The following PUDP variants were observed in gnomAD, a reference collection of about 807,000 sequenced individuals.
PUDP encodes pseudouridine-5'-phosphatase.
PUDP carries 8 observed loss-of-function variants against 9.4 expected under a neutral mutation model. That is an observed-to-expected ratio of 0.85 (90% CI 0.50 to 1.53). PUDP has a LOEUF of 1.53. Ranked by LOEUF, PUDP falls within the 40% of genes most tolerant of loss-of-function variation. PUDP has a pLI of 0.00. For missense variants in PUDP, 188 were observed against 189.7 expected (o/e 0.99, Z 0.05); for synonymous variants, 99 against 80.7 (o/e 1.23, Z -1.22).
chrX:6,914,226 TCA>T (rs1008619232), intron 3 of PUDP, among the ~76,000 whole-genome samples: 1 of 98,260 alleles, frequency 1.0e-5, no homozygotes, highest in Non-Finnish European at 2.1e-5. Flanking sequence ...AGAAGAAAAA[TCA>T]CAGTTACATA....
chrX:6,713,491 G>T (rs1200516063), intron 1 of PUDP, among the ~76,000 whole-genome samples: 1 of 111,923 alleles, frequency 8.9e-6, no homozygotes, highest in Non-Finnish European at 1.9e-5. Context: ...AGATGATTTA[G>T]CCCAAGCATA....
chrX:6,894,381 C>G (rs1927557549), intron 3 of PUDP, among the ~76,000 whole-genome samples: 1 of 112,005 alleles, frequency 8.9e-6, no homozygotes, highest in Admixed American at 9.5e-5. Flanking sequence ...TACTCCTAAC[C>G]ACAACCACCT....
chrX:6,821,093 C>CT (rs1283101533), intron 3 of PUDP, among the ~76,000 whole-genome samples: 1 of 111,029 alleles, frequency 9.0e-6, no homozygotes, highest in Non-Finnish European at 1.9e-5. Context: ...AGTTCCAACC[C>CT]TGCCAAGGGT....
intron 3 of PUDP, among the ~76,000 whole-genome samples, chrX:7,059,503 C>T (rs1367747512): frequency 6.3e-5 from 7 of 111,862 alleles, no homozygotes; most frequent in African/African-American, 2.0e-4. Context: ...TAGCCTTCTG[C>T]ATGAGACTCA....
chrX:6,772,630 GAA>G (rs386416546), intron 3 of PUDP, among the ~76,000 whole-genome samples: 1 of 96,902 alleles, frequency 1.0e-5, no homozygotes, highest in Non-Finnish European at 2.0e-5. Flanking sequence ...TACAGACAAG[GAA>G]AAAAAAAAAA....
At chrX:7,115,425 C>T (rs1370912768) in intron 1 of PUDP, among the ~76,000 whole-genome samples, 1 of 112,436 alleles carries the variant, frequency 8.9e-6, no homozygotes, top group Non-Finnish European at 1.9e-5. Flanking sequence ...TCCTTTTCTT[C>T]TAGTGAAAGC....
intron 3 of PUDP, among the ~76,000 whole-genome samples, chrX:6,951,238 ATCCATCATATCTATC>A (rs1569129699): frequency 1.2e-4 from 10 of 82,414 alleles, no homozygotes; most frequent in Non-Finnish European, 1.5e-4. Flanking sequence ...CCATCCATCC[ATCCATCATATCTATC>A]TATCTATCTA....
At chrX:7,016,914 G>A (rs1188144489) in intron 1 of PUDP, among the ~76,000 whole-genome samples, 3 of 111,483 alleles carry the variant, frequency 2.7e-5, no homozygotes, top group Admixed American at 9.5e-5. Flanking sequence ...ATCCATCTGC[G>A]AGAATCCAGC....
chrX:6,796,463 A>G (rs112135379), intron 3 of PUDP, among the ~76,000 whole-genome samples: 2,360 of 112,186 alleles, frequency 0.021, 58 homozygotes, highest in African/African-American at 0.071. Context: ...CCCGGCCAGT[A>G]AGGTAAAGCA....
chrX:7,065,008 A>G (rs1459786492), intron 3 of PUDP, among the ~76,000 whole-genome samples: 2 of 111,612 alleles, frequency 1.8e-5, no homozygotes, highest in Non-Finnish European at 3.8e-5. Flanking sequence ...AGCTAAAGAA[A>G]GAAAAATAGT....
chrX:6,915,626 C>T (rs755533331), intron 3 of PUDP, among the ~76,000 whole-genome samples: 1 of 112,128 alleles, frequency 8.9e-6, no homozygotes, highest in African/African-American at 3.2e-5. Context: ...GTCTTGCCTA[C>T]TAAATAGATT....
intron 1 of PUDP, among the ~76,000 whole-genome samples, chrX:6,981,687 G>A (rs1857933713): frequency 9.0e-6 from 1 of 110,850 alleles, no homozygotes. Flanking sequence ...TTTACTTCTT[G>A]GGCCATTTTA....
intron 3 of PUDP, among the ~76,000 whole-genome samples, chrX:7,072,295 G>C (rs1930758158): frequency 9.0e-6 from 1 of 111,160 alleles, no homozygotes; most frequent in African/African-American, 3.3e-5. Context: ...TTCAACCCTG[G>C]TATTATACAA....
intron 3 of PUDP, among the ~76,000 whole-genome samples, chrX:6,872,750 G>A (rs933285009): frequency 9.4e-5 from 10 of 106,294 alleles, no homozygotes; most frequent in South Asian, 4.3e-4. Context: ...TCACGTTCCC[G>A]TGGTACTAGG....
At chrX:6,721,947 T>A (rs1924678232), upstream of PUDP, among the ~76,000 whole-genome samples, 1 of 111,308 alleles carries the variant, frequency 9.0e-6, no homozygotes, top group African/African-American at 3.3e-5. Context: ...GAACACTGGA[T>A]AGACTACACT....
At chrX:6,780,750 A>G (rs1925547545) in intron 3 of PUDP, among the ~76,000 whole-genome samples, 1 of 109,915 alleles carries the variant, frequency 9.1e-6, no homozygotes, top group Non-Finnish European at 1.9e-5. Context: ...CACACACCCC[A>G]CCACCGCCAC....
intron 1 of PUDP, among the ~76,000 whole-genome samples, chrX:7,002,069 T>TCA (rs1398665957): frequency 1.8e-5 from 2 of 111,323 alleles, no homozygotes; most frequent in African/African-American, 6.5e-5. Flanking sequence ...TCACCATGGC[T>TCA]CAGTCTCTAG....
intron 3 of PUDP, among the ~76,000 whole-genome samples, chrX:6,894,824 A>G (rs1467971187): frequency 8.9e-6 from 1 of 111,974 alleles, no homozygotes; most frequent in African/African-American, 3.2e-5. Context: ...CCTGAAAAGG[A>G]TGCATGGGTT....
chrX:7,068,602 T>C (rs953705989), intron 3 of PUDP, among the ~76,000 whole-genome samples: 2 of 111,325 alleles, frequency 1.8e-5, no homozygotes, highest in Non-Finnish European at 3.8e-5. Flanking sequence ...AAGAAGTGGA[T>C]GGATAAAGGA....
Sources: gnomAD v4.1 joint callset for allele counts (sites outside exome capture counted in the v4.1 genomes callset) on GRCh38, gnomAD v4.1.1 for gene constraint, MANE v1.5 for transcripts, NCBI Gene and HGNC (gene_info 2026-07-23, HGNC 2026-07-21) for gene names.